GRIN2A: variants seen among roughly 807,000 people sequenced by gnomAD.
GRIN2A encodes the protein glutamate ionotropic receptor NMDA type subunit 2A.
GRIN2A carries 22 observed loss-of-function variants against 113.4 expected under a neutral mutation model. The ratio of observed to expected loss-of-function variants is 0.19; its 90% confidence interval spans 0.14 to 0.28. GRIN2A has a LOEUF of 0.28. Ranked by LOEUF, GRIN2A falls within the 10% of genes least tolerant of loss-of-function variation. The pLI, the probability that GRIN2A is intolerant of heterozygous loss-of-function variation, is 1.00. For missense variants in GRIN2A, 1,502 were observed against 1,887.0 expected (o/e 0.80, Z 3.78); for synonymous variants, 827 against 738.4 (o/e 1.12, Z -1.94).
chr16:9,862,839 C>G (rs1412508324), intron 4 of GRIN2A, among the ~76,000 whole-genome samples: 3 of 152,128 alleles, frequency 2.0e-5, no homozygotes, highest in Non-Finnish European at 4.4e-5. Context: ...TTTGAACTTG[C>G]TCTTGGGAGT....
At chr16:9,859,185 T>C (rs1439105891) in intron 4 of GRIN2A, among the ~76,000 whole-genome samples, 1 of 151,936 alleles carries the variant, frequency 6.6e-6, no homozygotes, top group East Asian at 1.9e-4. Context: ...ACACACATCG[T>C]CACACTAACA....
At position 10,098,575 on chromosome 16, in the gene GRIN2A, T is replaced by C. The variant is rs1198770872; in HGVS notation, c.414+81423A>G. Among the ~76,000 whole-genome samples, 4 of 152,266 alleles carry C rather than the reference T, an allele frequency of 2.6e-5. No homozygotes were observed. The East Asian group carries it at 7.7e-4, about 29-fold the overall frequency. On this transcript the variant is annotated intron_variant, in intron 2 of 12. Transcript: ENST00000330684. Reference sequence around the variant, plus strand: ...GCCCAAATGCCCATTAATCGACAAGTGGCTAAACAAATTGTGGTATGTATA... The same window carrying C: ...GCCCAAATGCCCATTAATCGACAAGCGGCTAAACAAATTGTGGTATGTATA...
rs113514303 is a variant in GRIN2A, at chr16:9,852,710, A to C, written c.1123-2749T>G. Among the ~76,000 whole-genome samples, 184 of 152,306 alleles carry C rather than the reference A, an allele frequency of 1.2e-3. 2 individuals are homozygous for C. The highest frequency in any genetic ancestry group is 3.4e-3 in the Middle Eastern group (1 of 294). ...GATAGACCCTTCGGCACCCCACTGC[A>C]AACACCAAAAATCTCAACTACTAAA... On this transcript the variant is annotated intron_variant, in intron 4 of 12. Coordinates refer to ENST00000330684, the MANE Select transcript of GRIN2A (RefSeq NM_001134407.3).
At chr16:9,891,228 A>G in intron 3 of GRIN2A, 128 bp from the exon 4 acceptor site, 1 of 697,816 alleles carries the variant, frequency 1.4e-6, no homozygotes, top group Non-Finnish European at 2.6e-6. Context: ...CATCACAAGA[A>G]GCCTCTCTGC....
intron 3 of GRIN2A, among the ~76,000 whole-genome samples, chr16:9,904,300 C>T (rs533557231): frequency 6.6e-6 from 1 of 152,330 alleles, no homozygotes; most frequent in African/African-American, 2.4e-5. Context: ...TTACAGAAGG[C>T]TGTCTTCCTA....
chr16:9,843,040 G>C lies in GRIN2A; in HGVS notation c.1329-1936C>G, dbSNP rs997187132. On this transcript the variant is annotated intron_variant, in intron 5 of 12. Coordinates refer to ENST00000330684, the MANE Select transcript of GRIN2A (RefSeq NM_001134407.3). ...AAGGGGGGAGAGGGAGAGATAGAAA[G>C]AAAGAAAGAGAGAGAGAGAAAGAGA... is the stretch of plus-strand genomic sequence containing the variant. Among the ~76,000 whole-genome samples the C allele has an allele frequency of 3.7e-4, 55 of 148,708 alleles. 1 individual carries two copies. The highest frequency in any genetic ancestry group is 1.3e-3 in the African/African-American group (53 of 40,180).
chr16:9,945,229 G>A (rs1263976370), intron 2 of GRIN2A, among the ~76,000 whole-genome samples: 2 of 152,070 alleles, frequency 1.3e-5, no homozygotes, highest in Non-Finnish European at 2.9e-5. Context: ...GTTCAGGAGT[G>A]GGGTGGAGAG....
intron 2 of GRIN2A, among the ~76,000 whole-genome samples, chr16:10,021,401 G>T (rs770523189): frequency 6.6e-6 from 1 of 152,160 alleles, no homozygotes; most frequent in Admixed American, 6.5e-5. Context: ...TGAAGGGCTT[G>T]CCCAATATCC....
At chr16:9,898,738 A>ACT (rs60976624) in intron 3 of GRIN2A, among the ~76,000 whole-genome samples, 48,608 of 150,156 alleles carry the variant, frequency 0.32, 9,789 homozygotes, top group African/African-American at 0.58. Context: ...AAACACAGTC[A>ACT]GTTTTCTTTA....
chr16:9,797,726 G>A lies in GRIN2A; in HGVS notation c.2356+551C>T, dbSNP rs143471460. On this transcript the variant is annotated intron_variant, in intron 11 of 12. Transcript: ENST00000330684. ...TAGTTATGTAATTTTGTACAGCAGC[G>A]TTTCTCAACCACAGCCTACCAACAT... Among the ~76,000 whole-genome samples, 78 of 152,242 alleles carry A rather than the reference G, an allele frequency of 5.1e-4. 1 individual carries two copies. The highest frequency in any genetic ancestry group is 1.5e-3 in the African/African-American group (64 of 41,550).
At chr16:10,036,545 A>G (rs1197972791) in intron 2 of GRIN2A, among the ~76,000 whole-genome samples, 1 of 128,840 alleles carries the variant, frequency 7.8e-6, no homozygotes, top group Non-Finnish European at 1.6e-5. Context: ...TGCAAACGCC[A>G]TTCTCCTGCC....
At chr16:9,958,369 C>T (rs548881559) in intron 2 of GRIN2A, among the ~76,000 whole-genome samples, 8 of 152,118 alleles carry the variant, frequency 5.3e-5, no homozygotes, top group Non-Finnish European at 7.4e-5. Flanking sequence ...TCTTGGCAAA[C>T]CAGACCGTGA....
Position 10,014,639 on chromosome 16 carries a change from G to A in GRIN2A, c.415-76088C>T, listed in dbSNP as rs1028406136. On this transcript the variant is annotated intron_variant, in intron 2 of 12. Transcript: ENST00000330684. ...TATAAAGAAAGTTGGGTTCTGTGGT[G>A]TAAGTAGGAGTTAACGAGATGAGGA... Among the ~76,000 whole-genome samples the A allele has an allele frequency of 3.9e-5, 6 of 152,312 alleles. No homozygotes were observed. The East Asian group carries it at 5.8e-4, about 15-fold the overall frequency.
rs113829472 is a variant in GRIN2A at position 9,988,644 on chromosome 16, T to TA, written c.415-50094dup. On this transcript the variant is annotated intron_variant, in intron 2 of 12. Coordinates refer to ENST00000330684, the MANE Select transcript of GRIN2A (RefSeq NM_001134407.3). The stretch of plus-strand genomic sequence containing the variant: ...ATGCCAGGCTGAGTGATAGGTGCCT[T>TA]AAACAATATCATCTTCACAACAACC... 6.8e-3 allele frequency among the ~76,000 whole-genome samples: 1,030 copies of TA among 152,200 alleles called. 7 individuals are homozygous for TA. The highest frequency in any genetic ancestry group is 0.024 in the African/African-American group (991 of 41,532).
intron 2 of GRIN2A, among the ~76,000 whole-genome samples, chr16:10,014,135 G>A (rs1329120390): frequency 1.3e-5 from 2 of 152,220 alleles, no homozygotes; most frequent in East Asian, 3.8e-4. Context: ...TGGGTAGGTG[G>A]TGAGTTGTGA....
chr16:9,950,077 T>C (rs2045141571), intron 2 of GRIN2A, among the ~76,000 whole-genome samples: 1 of 152,164 alleles, frequency 6.6e-6, no homozygotes, highest in Non-Finnish European at 1.5e-5. Context: ...TGAACCCTTG[T>C]TACTTGCTCT....
intron 11 of GRIN2A, among the ~76,000 whole-genome samples, chr16:9,790,655 G>C (rs532799748): frequency 1.3e-5 from 2 of 152,158 alleles, no homozygotes; most frequent in Non-Finnish European, 2.9e-5. Flanking sequence ...TGGGAAGACT[G>C]TCAAAAGATT....
chr16:10,009,042 C>T (rs1051422941), intron 2 of GRIN2A, among the ~76,000 whole-genome samples: 8 of 152,122 alleles, frequency 5.3e-5, no homozygotes, highest in Non-Finnish European at 1.2e-4. Flanking sequence ...GATGAAAATA[C>T]GTTATATGTC....
At chr16:10,137,356 C>G (rs2049217323) in intron 2 of GRIN2A, among the ~76,000 whole-genome samples, 1 of 152,212 alleles carries the variant, frequency 6.6e-6, no homozygotes. Context: ...AGGCCTGACT[C>G]TAAAGTCACA....
Sources: gnomAD v4.1 joint callset for allele counts (sites outside exome capture counted in the v4.1 genomes callset) on GRCh38, gnomAD v4.1.1 for gene constraint, MANE v1.5 for transcripts, NCBI Gene and HGNC (gene_info 2026-07-23, HGNC 2026-07-21) for gene names.